GYS2: variants seen among roughly 807,000 people sequenced by gnomAD.
GYS2 encodes the protein glycogen [starch] synthase, liver.
A neutral mutation model predicts 85.6 loss-of-function variants in GYS2; 80 were observed. The ratio of observed to expected loss-of-function variants is 0.93; its 90% confidence interval spans 0.78 to 1.13. The LOEUF is 1.13. Among genes scored for constraint, GYS2 ranks in the 50% most tolerant of loss-of-function variants. The pLI is 0.00. For synonymous variants in GYS2, 328 were observed against 300.7 expected (o/e 1.09, Z -0.94); for missense variants, 881 against 854.9 (o/e 1.03, Z -0.38).
At chr12:21,565,581 GTTAAA>G (rs1204797477) in intron 5 of GYS2, among the ~76,000 whole-genome samples, 1 of 149,408 alleles carries the variant, frequency 6.7e-6, no homozygotes, top group African/African-American at 2.5e-5. Flanking sequence ...AGGAAATGAT[GTTAAA>G]TTAGTTAAAT....
At chr12:21,563,799 A>G (rs1410989371) in intron 5 of GYS2, among the ~76,000 whole-genome samples, 2 of 152,168 alleles carry the variant, frequency 1.3e-5, no homozygotes, top group East Asian at 3.9e-4. Context: ...AAGAACACAC[A>G]GCTGGTAAGT....
chr12:21,558,289 T>C lies in GYS2; in HGVS notation c.1333A>G (p.Thr445Ala). The change falls in exon 11 of 16, where the codon ACG (threonine) becomes GCG (alanine). Residue 445 changes from threonine to alanine, a missense_variant. Thr to Ala is a moderately conservative substitution (Grantham distance 58). Coordinates refer to ENST00000261195, the MANE Select transcript of GYS2 (RefSeq NM_021957.4). ...TQRQSLPPVT[T>A]HNMIDDSTDP... Reference sequence around the variant, plus strand: ...GTGGAGTCATCAATCATGTTGTGCGTGGTCACTGGGGGCAATGACTGTCGC... The same window carrying C: ...GTGGAGTCATCAATCATGTTGTGCGCGGTCACTGGGGGCAATGACTGTCGC... 1 of 1,613,174 alleles carries C rather than the reference T, an allele frequency of 6.2e-7. No individual in the cohort carries two copies. The highest frequency in any genetic ancestry group is 8.5e-7 in the Non-Finnish European group (1 of 1,179,174).
chr12:21,591,193 A>C (rs1335402000), intron 1 of GYS2, among the ~76,000 whole-genome samples: 7 of 152,132 alleles, frequency 4.6e-5, no homozygotes, highest in African/African-American at 7.2e-5. Context: ...TGTTGATATT[A>C]AGGAAGCTCA....
intron 5 of GYS2, 127 bp downstream of exon 5, chr12:21,568,738 T>G (rs1309457890): frequency 2.5e-6 from 2 of 814,594 alleles, no homozygotes; most frequent in African/African-American, 3.4e-5. Flanking sequence ...TTAAAATACA[T>G]AAAAAGAGCT....
chr12:21,597,049 C>T (rs922831146), intron 1 of GYS2, among the ~76,000 whole-genome samples: 5 of 151,834 alleles, frequency 3.3e-5, no homozygotes, highest in African/African-American at 4.8e-5. Flanking sequence ...CCATATAAAA[C>T]GTACTCTCAA....
intron 1 of GYS2, among the ~76,000 whole-genome samples, chr12:21,600,186 C>T (rs1944740038): frequency 6.6e-6 from 1 of 152,124 alleles, no homozygotes; most frequent in African/African-American, 2.4e-5. Context: ...ATGGTGCAAT[C>T]TTGCTCACTG....
chr12:21,585,033 G>A (rs1193092752), intron 1 of GYS2, among the ~76,000 whole-genome samples: 2 of 152,166 alleles, frequency 1.3e-5, no homozygotes, highest in Admixed American at 1.3e-4. Context: ...TCTCCAGAAG[G>A]CTGTGTATGC....
At chr12:21,542,653 C>T in intron 12 of GYS2, 62 bp from the exon 13 acceptor site, 1 of 1,057,224 alleles carries the variant, frequency 9.5e-7, no homozygotes, top group Non-Finnish European at 1.5e-6. Flanking sequence ...TGTATGCACT[C>T]AGAGGAGGAA....
intron 11 of GYS2, among the ~76,000 whole-genome samples, chr12:21,554,389 C>T (rs893853925): frequency 1.3e-5 from 2 of 152,146 alleles, no homozygotes; most frequent in Non-Finnish European, 2.9e-5. Context: ...CATCTCCCTG[C>T]CTGTACTTGC....
intron 1 of GYS2, among the ~76,000 whole-genome samples, chr12:21,589,624 C>T (rs1944612751): frequency 6.6e-6 from 1 of 152,094 alleles, no homozygotes; most frequent in Non-Finnish European, 1.5e-5. Context: ...AGTAGGGATC[C>T]TCTGTGAGGC....
chr12:21,564,541 T>C (rs1944295217), intron 5 of GYS2, among the ~76,000 whole-genome samples: 1 of 152,220 alleles, frequency 6.6e-6, no homozygotes, highest in Admixed American at 6.5e-5. Flanking sequence ...AAAAACTTAC[T>C]GATTTTTATG....
intron 1 of GYS2, among the ~76,000 whole-genome samples, chr12:21,585,088 G>A (rs1944557841): frequency 6.6e-6 from 1 of 152,104 alleles, no homozygotes; most frequent in South Asian, 2.1e-4. Flanking sequence ...CCCATAGACA[G>A]GATTCACGGG....
intron 2 of GYS2, among the ~76,000 whole-genome samples, chr12:21,579,736 C>T (rs1249148561): frequency 6.6e-6 from 1 of 152,144 alleles, no homozygotes; most frequent in Non-Finnish European, 1.5e-5. Context: ...TCCCTTCAAC[C>T]TCTGCTTTCA....
At chr12:21,533,487 T>C (rs145669879), downstream of GYS2, among the ~76,000 whole-genome samples, 788 of 152,342 alleles carry the variant, frequency 5.2e-3, 8 homozygotes, top group African/African-American at 0.018. Flanking sequence ...GGGCTATAAA[T>C]TCCTTTAGAA....
rs532771906 is a variant in GYS2, at chr12:21,542,518, G to A, written c.1623C>T (p.His541=). 2.1e-5 allele frequency: 34 copies of A among 1,610,778 alleles called. No homozygotes were observed. The highest frequency in any genetic ancestry group is 4.5e-5 in the East Asian group (2 of 44,874). The change falls in exon 13 of 16, where the codon CAC becomes CAT. Residue 541 remains histidine, a synonymous_variant. Coordinates refer to ENST00000261195, the MANE Select transcript of GYS2 (RefSeq NM_021957.4). ...CACCGTAAGCAGTAGGATCAGCCAC[G>A]TGCTCCTGCATGAAACAGCCAAACC... is the stretch of plus-strand genomic sequence containing the variant. The part of the protein sequence containing the change: ...LSGFGCFMQE[H]VADPTAYGIY...
intron 6 of GYS2, 22 bp from the exon 7 acceptor site, chr12:21,563,060 C>T: frequency 1.3e-6 from 2 of 1,564,972 alleles, no homozygotes; most frequent in Non-Finnish European, 1.8e-6. Context: ...CAAAACCAAA[C>T]AGTTTCAAAT....
At chr12:21,549,633 T>C (rs1272820967) in intron 11 of GYS2, among the ~76,000 whole-genome samples, 2 of 152,190 alleles carry the variant, frequency 1.3e-5, no homozygotes, top group African/African-American at 4.8e-5. Context: ...TTTGGTATTT[T>C]TGAAGACTAT....
At chr12:21,552,758 G>A (rs1944128581) in intron 11 of GYS2, among the ~76,000 whole-genome samples, 2 of 152,120 alleles carry the variant, frequency 1.3e-5, no homozygotes, top group Admixed American at 1.3e-4. Context: ...ATATCTCTGT[G>A]CCTTCTCCTC....
intron 4 of GYS2, among the ~76,000 whole-genome samples, chr12:21,571,772 C>A (rs1052483979): frequency 1.3e-5 from 2 of 151,882 alleles, no homozygotes. Flanking sequence ...GCGATCCTGG[C>A]CAATATGGTG....
Sources: gnomAD v4.1 joint callset for allele counts (sites outside exome capture counted in the v4.1 genomes callset) on GRCh38, gnomAD v4.1.1 for gene constraint, MANE v1.5 for transcripts, NCBI Gene and HGNC (gene_info 2026-07-23, HGNC 2026-07-21) for gene names.